C2orf42: variants seen among roughly 807,000 people sequenced by gnomAD.
C2orf42 encodes the protein uncharacterized protein C2orf42.
A neutral mutation model predicts 58.9 loss-of-function variants in C2orf42; 44 were observed. That is an observed-to-expected ratio of 0.75 (90% confidence interval 0.59 to 0.96). The LOEUF is 0.96. C2orf42 is among the 40% of genes least tolerant of loss of function. C2orf42 has a pLI of 0.00. For missense variants in C2orf42, 630 were observed against 699.2 expected, an observed-to-expected ratio of 0.90 and a Z score of 1.12; for synonymous variants, 239 against 265.4, an observed-to-expected ratio of 0.90 and a Z score of 0.97.
intron 9 of C2orf42, among the ~76,000 whole-genome samples, chr2:70,157,830 T>C: frequency 6.6e-6 from 1 of 152,158 alleles, no homozygotes; most frequent in Non-Finnish European, 1.5e-5. Flanking sequence ...GAGTTTATAT[T>C]GGATAAATAA....
intron 9 of C2orf42, among the ~76,000 whole-genome samples, chr2:70,152,069 G>A (rs1271049019): frequency 3.9e-5 from 6 of 151,990 alleles, no homozygotes; most frequent in Non-Finnish European, 7.4e-5. Flanking sequence ...GAGCCACTGC[G>A]CCTGGCTTAT....
chr2:70,180,861 G>T (rs1314329105), intron 3 of C2orf42, among the ~76,000 whole-genome samples: 1 of 151,242 alleles, frequency 6.6e-6, no homozygotes, highest in Non-Finnish European at 1.5e-5. Flanking sequence ...AATTAGCCAG[G>T]CATGGTGGCA....
intron 6 of C2orf42, among the ~76,000 whole-genome samples, chr2:70,166,503 TAAAAAAAA>T (rs758706026): frequency 2.1e-5 from 2 of 93,116 alleles, no homozygotes; most frequent in Non-Finnish European, 4.5e-5. Context: ...CCATCTCTAC[TAAAAAAAA>T]AAAAAAAAAA....
intron 5 of C2orf42, among the ~76,000 whole-genome samples, chr2:70,171,159 C>G (rs1673790467): frequency 6.6e-6 from 1 of 151,782 alleles, no homozygotes; most frequent in African/African-American, 2.4e-5. Flanking sequence ...GACTGTGGTC[C>G]CAACTACTCA....
rs992669437 is a variant in C2orf42, at chr2:70,181,163, C to T, written c.823G>A (p.Gly275Ser). Residue 275 changes from glycine to serine, a missense_variant and splice_region_variant, in exon 3 of 10, where the codon GGT (glycine) becomes AGT (serine). Gly to Ser is a moderately conservative substitution (Grantham distance 56). Transcript: ENST00000264434. ...TAACCACATCAACCATACCACCTAC[C>T]GCTGGAATCAAAATTTAGGAAGTCT... Reference protein sequence around the residue: ...FSDFLNFDSSGLKEIIVPQLG... With the variant: ...FSDFLNFDSSSLKEIIVPQLG... 9.1e-6 allele frequency: 14 copies of T among 1,537,912 alleles called. No individual in the cohort carries two copies. Among genetic ancestry groups the T allele is most frequent in the Admixed American group, 2.0e-5 (1 of 51,106 alleles).
chr2:70,179,653 G>A lies in C2orf42; in HGVS notation c.824-11C>T. 1 of 1,068,650 alleles carries A rather than the reference G, an allele frequency of 9.4e-7. No individual in the cohort carries two copies. Among genetic ancestry groups the A allele is most frequent in the Non-Finnish European group, 1.4e-6 (1 of 692,246 alleles). The allele number at this position is 1,068,650 out of a possible 1,614,324, so 66.2% of individuals were successfully genotyped here. ...TAATCTCTTTAAGACCTAAAAAAAAGAAGATTTCTGAATTATTAATCCTAT... is the reference window on the plus strand; with the variant it reads ...TAATCTCTTTAAGACCTAAAAAAAAAAAGATTTCTGAATTATTAATCCTAT... On this transcript the variant is annotated splice_polypyrimidine_tract_variant and intron_variant, in intron 3 of 9. Coordinates refer to ENST00000264434, the MANE Select transcript of C2orf42 (RefSeq NM_017880.3).
intron 1 of C2orf42, among the ~76,000 whole-genome samples, chr2:70,189,275 G>C (rs749843840): frequency 2.6e-5 from 4 of 151,358 alleles, no homozygotes; most frequent in Non-Finnish European, 4.4e-5. Context: ...GCGTGGTGAC[G>C]TATGCCTGTA....
chr2:70,162,519 T>C (rs1016404897), intron 8 of C2orf42, among the ~76,000 whole-genome samples: 13 of 151,556 alleles, frequency 8.6e-5, no homozygotes, highest in African/African-American at 3.1e-4. Flanking sequence ...GATGGTGCGC[T>C]TGTAATCCCA....
rs1448889946 is a variant in C2orf42, at chr2:70,181,851, C to T, written c.135G>A (p.Lys45=). ...CGTAGCGGAATATGGTTCCACATGT[C>T]TTGTTCTTACAGCTCAGTCCCCGGG... The part of the protein sequence containing the change: ...NGTRGLSCKN[K]TCGTIFRYGA... Residue 45 remains lysine, a synonymous_variant, in exon 3 of 10, where the codon AAG becomes AAA. Transcript: ENST00000264434. 3 of 1,614,130 alleles carry T rather than the reference C, an allele frequency of 1.9e-6. No individual in the cohort carries two copies. In the South Asian group the frequency reaches 3.3e-5, roughly 18 times the overall value.
intron 1 of C2orf42, among the ~76,000 whole-genome samples, chr2:70,188,505 A>C (rs552908923): frequency 6.6e-6 from 1 of 152,268 alleles, no homozygotes; most frequent in South Asian, 2.1e-4. Context: ...CTCCCTTTTA[A>C]AAAAGAATAA....
intron 9 of C2orf42, among the ~76,000 whole-genome samples, chr2:70,154,445 A>T (rs886219230): frequency 8.7e-5 from 12 of 138,060 alleles, no homozygotes; most frequent in Non-Finnish European, 1.7e-4. Context: ...AAAAAAAAAA[A>T]TCTGACATGG....
chr2:70,172,093 G>T (rs890862892), intron 5 of C2orf42, among the ~76,000 whole-genome samples: 20 of 151,868 alleles, frequency 1.3e-4, no homozygotes, highest in African/African-American at 4.8e-4. Flanking sequence ...GCGTAGTGGT[G>T]TGCGCCTGTA....
At chr2:70,170,180 A>C (rs1573001915) in intron 5 of C2orf42, among the ~76,000 whole-genome samples, 1 of 117,392 alleles carries the variant, frequency 8.5e-6, no homozygotes, top group African/African-American at 4.7e-5. Flanking sequence ...AAGTTTGTCC[A>C]GAAAAAAAAA....
Position 70,181,754 on chromosome 2 carries a change from G to A in C2orf42, c.232C>T (p.Arg78Trp), listed in dbSNP as rs751049033. The A allele has an allele frequency of 2.2e-5, 35 of 1,613,966 alleles. No homozygotes were observed. The highest frequency in any genetic ancestry group is 1.6e-4 in the Middle Eastern group (1 of 6,084). The change falls in exon 3 of 10, where the codon CGG becomes TGG. Residue 78 changes from arginine to tryptophan, a missense_variant. By Grantham distance (101) the Arg-to-Trp change is moderately radical. Coordinates refer to ENST00000264434, the MANE Select transcript of C2orf42 (RefSeq NM_017880.3). ...TGSDLQVYSV[R>W]QRDRGPDYRC... ...TAATCAGGGCCCCGGTCTCTTTGCC[G>A]CACTGAGTAGACCTGAAGATCAGAG...
chr2:70,178,443 C>T (rs1046441856), intron 4 of C2orf42, among the ~76,000 whole-genome samples: 1 of 151,132 alleles, frequency 6.6e-6, no homozygotes, highest in Non-Finnish European at 1.5e-5. Context: ...CCCGTCTCTA[C>T]TAAAAATACA....
At chr2:70,163,057 G>A (rs950272123) in intron 8 of C2orf42, among the ~76,000 whole-genome samples, 9 of 151,294 alleles carry the variant, frequency 5.9e-5, no homozygotes, top group Non-Finnish European at 5.9e-5. Flanking sequence ...TAGTTGTGAC[G>A]GGGTTTCACC....
At chr2:70,190,317 T>A (rs532465676) in intron 1 of C2orf42, 1 of 152,304 alleles carries the variant, frequency 6.6e-6, no homozygotes, top group African/African-American at 2.4e-5. Flanking sequence ...CAGACCTAAA[T>A]GTTTGGTGGA....
chr2:70,171,900 T>C (rs1485129109), intron 5 of C2orf42, among the ~76,000 whole-genome samples: 1 of 151,706 alleles, frequency 6.6e-6, no homozygotes, highest in East Asian at 1.9e-4. Flanking sequence ...TGGAATTTAA[T>C]GGAGCCAGAG....
At chr2:70,158,975 G>A (rs896838566) in intron 9 of C2orf42, among the ~76,000 whole-genome samples, 9 of 143,516 alleles carry the variant, frequency 6.3e-5, no homozygotes, top group African/African-American at 1.8e-4. Context: ...GCAGTGGCGC[G>A]ATCTCGGCTC....
Sources: gnomAD v4.1 joint callset for allele counts (sites outside exome capture counted in the v4.1 genomes callset) on GRCh38, gnomAD v4.1.1 for gene constraint, MANE v1.5 for transcripts, NCBI Gene and HGNC (gene_info 2026-07-23, HGNC 2026-07-21) for gene names.